LAMA2: variants seen among roughly 807,000 people sequenced by gnomAD.
LAMA2 encodes the protein laminin subunit alpha 2, also known as laminin subunit alpha-2.
In LAMA2, 269 loss-of-function variants were observed where a neutral mutation model predicts 364.8. The observed-to-expected ratio is 0.74, with a 90% CI of 0.67 to 0.82. The LOEUF (loss-of-function observed/expected upper bound fraction) is 0.82, where lower values mean the gene tolerates loss of function less well. Among genes scored for constraint, LAMA2 ranks in the 40% least tolerant of loss-of-function variants. The pLI is 0.00. For missense variants in LAMA2, 3,807 were observed against 3,873.2 expected, an observed-to-expected ratio of 0.98 and a Z score of 0.45; for synonymous variants, 1,379 against 1,370.6, an observed-to-expected ratio of 1.01 and a Z score of -0.14.
At chr6:128,949,863 C>T (rs951374909) in intron 1 of LAMA2, among the ~76,000 whole-genome samples, 1 of 151,986 alleles carries the variant, frequency 6.6e-6, no homozygotes, top group Non-Finnish European at 1.5e-5. Flanking sequence ...CTAACATTTG[C>T]CACCAAGTGT....
intron 12 of LAMA2, among the ~76,000 whole-genome samples, chr6:129,246,913 A>G (rs1785791528): frequency 6.6e-6 from 1 of 152,194 alleles, no homozygotes; most frequent in Non-Finnish European, 1.5e-5. Flanking sequence ...CCTGAATAAT[A>G]GCATCCTTCA....
chr6:129,036,291 A>G (rs1183868657), intron 1 of LAMA2, among the ~76,000 whole-genome samples: 1 of 152,132 alleles, frequency 6.6e-6, no homozygotes, highest in African/African-American at 2.4e-5. Flanking sequence ...ATCACAGCAA[A>G]TTTATGGTGT....
In LAMA2 at chr6:129,061,567, A is replaced by G. The variant is rs142875620; in HGVS notation, c.396+1671A>G. Among the ~76,000 whole-genome samples the G allele has an allele frequency of 4.3e-3, 661 of 152,162 alleles. 6 individuals are homozygous for G. Among genetic ancestry groups the G allele is most frequent in the African/African-American group, 0.015 (631 of 41,522 alleles). On this transcript the variant is annotated intron_variant, in intron 3 of 64. Transcript: ENST00000421865. The stretch of plus-strand genomic sequence containing the variant: ...AGTCAAAGAGTTTACCTGAAAGCCT[A>G]TTTTTCAGTGATGTCATTGATATTT...
intron 1 of LAMA2, among the ~76,000 whole-genome samples, chr6:128,921,600 A>G (rs1407758705): frequency 6.6e-6 from 1 of 152,108 alleles, no homozygotes; most frequent in Non-Finnish European, 1.5e-5. Flanking sequence ...CAAGGAAAGA[A>G]GCATGGACAT....
chr6:129,258,840 A>T (rs891384373), intron 14 of LAMA2, among the ~76,000 whole-genome samples: 4 of 152,040 alleles, frequency 2.6e-5, no homozygotes, highest in African/African-American at 7.2e-5. Context: ...GCATTTAATG[A>T]TTTTCAAATG....
chr6:129,222,915 C>A (rs1783967648), intron 12 of LAMA2, among the ~76,000 whole-genome samples: 1 of 152,124 alleles, frequency 6.6e-6, no homozygotes, highest in Non-Finnish European at 1.5e-5. Context: ...GAGGAATCGC[C>A]CCACTGTCTT....
At chr6:129,361,501 C>T (rs534641546) in intron 32 of LAMA2, among the ~76,000 whole-genome samples, 3 of 152,342 alleles carry the variant, frequency 2.0e-5, no homozygotes, top group Admixed American at 6.5e-5. Flanking sequence ...AGATCTTCCA[C>T]TGTCACGCCT....
chr6:129,138,105 A>G (rs529431596), intron 4 of LAMA2, among the ~76,000 whole-genome samples: 1 of 152,208 alleles, frequency 6.6e-6, no homozygotes, highest in East Asian at 1.9e-4. Flanking sequence ...AGACCATGAC[A>G]CAGAAAGGAA....
At chr6:129,095,833 G>T (rs143984770) in intron 3 of LAMA2, among the ~76,000 whole-genome samples, 288 of 151,958 alleles carry the variant, frequency 1.9e-3, no homozygotes, top group East Asian at 0.013. Flanking sequence ...TGAGGCAGGA[G>T]AATTGCTTGA....
chr6:129,255,591 C>T (rs535595209), intron 14 of LAMA2, among the ~76,000 whole-genome samples: 3 of 151,816 alleles, frequency 2.0e-5, no homozygotes, highest in East Asian at 1.9e-4. Context: ...GACTTCATCA[C>T]GATATAACTC....
At position 128,946,234 on chromosome 6, in the gene LAMA2, A is replaced by G. The variant is rs926474684; in HGVS notation, c.112+62877A>G. ...ATACAAAAGATTAAAAAGAAATCTA[A>G]GTTGAAGATATCTTAAACCGAATTG... On this transcript the variant is annotated intron_variant, in intron 1 of 64. Coordinates refer to ENST00000421865, the MANE Select transcript of LAMA2 (RefSeq NM_000426.4). Among the ~76,000 whole-genome samples, 3 of 152,370 alleles carry G rather than the reference A, an allele frequency of 2.0e-5. No individual in the cohort carries two copies. In the East Asian group the frequency reaches 5.8e-4, roughly 29 times the overall value.
chr6:129,080,289 A>G (rs183902057), intron 3 of LAMA2, among the ~76,000 whole-genome samples: 1 of 152,322 alleles, frequency 6.6e-6, no homozygotes, highest in East Asian at 1.9e-4. Flanking sequence ...TCTGATGTCA[A>G]AGCCTGCCGT....
At chr6:129,511,115 C>G (rs1181703501) in intron 62 of LAMA2, among the ~76,000 whole-genome samples, 1 of 152,134 alleles carries the variant, frequency 6.6e-6, no homozygotes, top group African/African-American at 2.4e-5. Flanking sequence ...TCTAATGTCC[C>G]TTGCCATCCC....
At chr6:129,492,828 T>G (rs557050759) in intron 58 of LAMA2, among the ~76,000 whole-genome samples, 1 of 152,340 alleles carries the variant, frequency 6.6e-6, no homozygotes, top group Admixed American at 6.5e-5. Flanking sequence ...CAATTTGGTG[T>G]CCTGTTTTTA....
intron 40 of LAMA2, among the ~76,000 whole-genome samples, chr6:129,425,175 C>T (rs1431549315): frequency 4.6e-5 from 7 of 151,954 alleles, no homozygotes; most frequent in African/African-American, 1.7e-4. Context: ...ATATTCTCTA[C>T]CATGGTTGTG....
chr6:129,117,877 T>C (rs977987344), intron 4 of LAMA2, among the ~76,000 whole-genome samples: 3 of 152,192 alleles, frequency 2.0e-5, no homozygotes, highest in African/African-American at 7.2e-5. Flanking sequence ...GAGTCAGGAT[T>C]TGAACCCAGG....
At chr6:128,952,855 G>A (rs1780916016) in intron 1 of LAMA2, among the ~76,000 whole-genome samples, 1 of 152,146 alleles carries the variant, frequency 6.6e-6, no homozygotes, top group Non-Finnish European at 1.5e-5. Context: ...ACCTGCCTTA[G>A]CCATCTGTTG....
At chr6:129,370,228 T>G (rs1396939996) in intron 34 of LAMA2, among the ~76,000 whole-genome samples, 2 of 152,202 alleles carry the variant, frequency 1.3e-5, no homozygotes, top group Non-Finnish European at 2.9e-5. Context: ...AATGACAGTG[T>G]ATTTTGAGAA....
In LAMA2 at chr6:129,460,182, C is replaced by A. The variant is rs377197457; in HGVS notation, c.6868-18C>A. On this transcript the variant is annotated intron_variant, in intron 48 of 64. Coordinates refer to ENST00000421865, the MANE Select transcript of LAMA2 (RefSeq NM_000426.4). ...TGAAATTCCAAATTCTAGCAAATAA[C>A]GGTATTTCTTTCTGCAGAAGGCTGA... is the stretch of plus-strand genomic sequence containing the variant. The A allele has an allele frequency of 6.2e-7, 1 of 1,610,242 alleles. No homozygotes were observed. Among genetic ancestry groups the A allele is most frequent in the African/African-American group, 1.3e-5 (1 of 74,836 alleles).
Sources: allele counts gnomAD v4.1 joint callset (sites outside exome capture counted in the v4.1 genomes callset), GRCh38; gene constraint gnomAD v4.1.1; transcripts MANE v1.5; gene names NCBI Gene and HGNC (gene_info 2026-07-23, HGNC 2026-07-21).